The following TBC1D19 variants were observed in gnomAD, a reference collection of about 807,000 sequenced individuals.
The protein encoded by TBC1D19 is TBC1 domain family member 19, also known as TBC1 domain family, member 19.
Under a neutral mutation model 89.0 loss-of-function variants are expected in TBC1D19, and 60 were observed. The ratio of observed to expected loss-of-function variants is 0.67; its 90% CI spans 0.55 to 0.84. The LOEUF (loss-of-function observed/expected upper bound fraction) is 0.84. Ranked by LOEUF, TBC1D19 falls within the 40% of genes least tolerant of loss-of-function variation. TBC1D19 has a pLI of 0.00. For missense variants in TBC1D19, 500 were observed against 610.8 expected, an observed-to-expected ratio of 0.82 and a Z score of 1.91; for synonymous variants, 189 against 199.7, an observed-to-expected ratio of 0.95 and a Z score of 0.45.
the TBC1D19 span, among the ~76,000 whole-genome samples, chr4:26,762,300 T>C: frequency 2.0e-5 from 3 of 152,232 alleles, no homozygotes; most frequent in African/African-American, 7.2e-5. Context: ...CTTCAGGTAT[T>C]ATCAATGCCT....
the TBC1D19 span, among the ~76,000 whole-genome samples, chr4:26,776,767 T>C: frequency 6.6e-6 from 1 of 152,198 alleles, no homozygotes; most frequent in African/African-American, 2.4e-5. Flanking sequence ...CTTGTGTATC[T>C]TAAATATGTT....
the TBC1D19 span, among the ~76,000 whole-genome samples, chr4:26,842,224 T>A: frequency 1.3e-5 from 2 of 152,146 alleles, no homozygotes; most frequent in Admixed American, 6.5e-5. Context: ...CCAGACCTGC[T>A]GTATCTTGGG....
intron 1 of TBC1D19, among the ~76,000 whole-genome samples, chr4:26,594,003 G>T (rs1347171658): frequency 1.3e-5 from 2 of 152,284 alleles, no homozygotes; most frequent in African/African-American, 4.8e-5. Flanking sequence ...TATACCCAAA[G>T]GATTATAAAT....
the TBC1D19 span, among the ~76,000 whole-genome samples, chr4:26,820,132 G>A: frequency 3.3e-5 from 5 of 152,268 alleles, no homozygotes; most frequent in African/African-American, 1.2e-4. Flanking sequence ...CAAGCTAATT[G>A]ACATATCCGT....
intron 13 of TBC1D19, 72 bp downstream of exon 13, chr4:26,688,479 C>T: frequency 7.3e-7 from 1 of 1,367,024 alleles, no homozygotes; most frequent in Non-Finnish European, 9.5e-7. Flanking sequence ...TAGGAGATAT[C>T]TCTGCTGTTG....
At chr4:26,610,738 A>G (rs1741327178) in intron 1 of TBC1D19, among the ~76,000 whole-genome samples, 1 of 151,938 alleles carries the variant, frequency 6.6e-6, no homozygotes, top group African/African-American at 2.4e-5. Flanking sequence ...TTCACTTAGG[A>G]TAATGGTCTC....
At chr4:26,706,127 G>A (rs1715723421) in intron 13 of TBC1D19, among the ~76,000 whole-genome samples, 1 of 152,146 alleles carries the variant, frequency 6.6e-6, no homozygotes, top group South Asian at 2.1e-4. Context: ...TTCTTTAAAT[G>A]TTTAGTAGAA....
intron 4 of TBC1D19, among the ~76,000 whole-genome samples, chr4:26,632,628 C>G (rs1474904708): frequency 6.6e-6 from 1 of 151,982 alleles, no homozygotes; most frequent in African/African-American, 2.4e-5. Context: ...GGCAGGCACA[C>G]TTGGTGCAGT....
At chr4:26,793,219 G>A in the TBC1D19 span, among the ~76,000 whole-genome samples, 1 of 152,150 alleles carries the variant, frequency 6.6e-6, no homozygotes, top group Admixed American at 6.5e-5. Flanking sequence ...TGTCTGGGGT[G>A]ACTAGTCCTT....
chr4:26,617,665 C>T (rs1486060121), intron 3 of TBC1D19, among the ~76,000 whole-genome samples: 2 of 152,188 alleles, frequency 1.3e-5, no homozygotes, highest in Non-Finnish European at 2.9e-5. Context: ...CTTAGCCTTA[C>T]TGTATTTAAG....
At chr4:26,838,874 ATG>A in the TBC1D19 span, among the ~76,000 whole-genome samples, 2 of 152,228 alleles carry the variant, frequency 1.3e-5, no homozygotes, top group African/African-American at 4.8e-5. Flanking sequence ...CCTTCATAAA[ATG>A]CAGAGCCTGT....
intron 1 of TBC1D19, among the ~76,000 whole-genome samples, chr4:26,609,970 T>C (rs1741258024): frequency 6.6e-6 from 1 of 152,030 alleles, no homozygotes; most frequent in Non-Finnish European, 1.5e-5. Flanking sequence ...GTAAATAAAT[T>C]AATCATATAG....
intron 1 of TBC1D19, among the ~76,000 whole-genome samples, chr4:26,588,513 T>C (rs934836653): frequency 6.6e-6 from 1 of 152,190 alleles, no homozygotes; most frequent in African/African-American, 2.4e-5. Context: ...ATTTAAATTT[T>C]TGATTTGAGA....
chr4:26,746,424 A>T (rs1718652320), intron 18 of TBC1D19, among the ~76,000 whole-genome samples: 1 of 148,916 alleles, frequency 6.7e-6, no homozygotes, highest in Non-Finnish European at 1.5e-5. Context: ...TTTTCTACTG[A>T]TCTATAGTCA....
chr4:26,750,580 T>C (rs1718895404), intron 19 of TBC1D19, among the ~76,000 whole-genome samples: 1 of 152,180 alleles, frequency 6.6e-6, no homozygotes, highest in Non-Finnish European at 1.5e-5. Context: ...TGTTGAATAC[T>C]GTATTTGCTG....
chr4:26,627,590 T>C (rs1417391142), intron 4 of TBC1D19, among the ~76,000 whole-genome samples: 1 of 152,114 alleles, frequency 6.6e-6, no homozygotes, highest in Non-Finnish European at 1.5e-5. Context: ...TTCTAACTGG[T>C]GTGAGATGGT....
chr4:26,781,534 G>T, the TBC1D19 span, among the ~76,000 whole-genome samples: 1 of 152,186 alleles, frequency 6.6e-6, no homozygotes, highest in East Asian at 1.9e-4. Flanking sequence ...GTAAAAATCT[G>T]CAAGATTGGC....
At chr4:26,628,289 G>A (rs867373353) in intron 4 of TBC1D19, among the ~76,000 whole-genome samples, 48 of 152,232 alleles carry the variant, frequency 3.2e-4, no homozygotes, top group Middle Eastern at 3.4e-3. Flanking sequence ...GATTACTGTA[G>A]CCTTGAAGTA....
Position 26,754,936 on chromosome 4 carries a change from A to C in TBC1D19, c.1570A>C (p.Thr524Pro). The part of the protein sequence containing the change: ...MPLLQIFLFA[T>P]VT ...TCTTCTTCAGATTTTTCTGTTTGCTACTGTCACCTGATCTTCTTCACAGTC... is the reference window on the plus strand; with the variant it reads ...TCTTCTTCAGATTTTTCTGTTTGCTCCTGTCACCTGATCTTCTTCACAGTC... Residue 524 changes from threonine to proline, a missense_variant, in exon 21 of 21, where the codon ACT (threonine) becomes CCT (proline). Thr to Pro is a conservative substitution (Grantham distance 38). Coordinates refer to ENST00000264866, the MANE Select transcript of TBC1D19 (RefSeq NM_018317.4). 4.4e-6 allele frequency: 7 copies of C among 1,606,520 alleles called. No individual in the cohort carries two copies. The highest frequency in any genetic ancestry group is 5.9e-6 in the Non-Finnish European group (7 of 1,177,646).
Sources: gnomAD v4.1 joint callset for allele counts (sites outside exome capture counted in the v4.1 genomes callset) on GRCh38, gnomAD v4.1.1 for gene constraint, MANE v1.5 for transcripts, NCBI Gene and HGNC (gene_info 2026-07-23, HGNC 2026-07-21) for gene names.